Variants in IL3RA observed in about 807,000 individuals in gnomAD.
IL3RA encodes interleukin-3 receptor subunit alpha.
IL3RA carries 73 observed loss-of-function variants against 52.3 expected under a neutral mutation model. The ratio of observed to expected loss-of-function variants is 1.40; its 90% CI spans 1.16 to 1.70. The LOEUF is 1.70. Among genes scored for constraint, IL3RA ranks in the 40% most tolerant of loss-of-function variants. The probability of loss-of-function intolerance (pLI) is 0.00; values close to 1 mark genes in which losing one functional copy is unlikely to be tolerated. For synonymous variants in IL3RA, 260 were observed against 194.0 expected, an observed-to-expected ratio of 1.34 and a Z score of -2.83; for missense variants, 664 against 504.4, an observed-to-expected ratio of 1.32 and a Z score of -3.03.
chrX:1,379,368 C>T (rs1185468705), intron 10 of IL3RA, among the ~76,000 whole-genome samples: 16 of 152,244 alleles, frequency 1.1e-4, no homozygotes, highest in African/African-American at 3.6e-4. Context: ...GTTGGCCACA[C>T]TGGTGTTGAA....
intron 6 of IL3RA, among the ~76,000 whole-genome samples, chrX:1,355,397 G>C (rs1359617741): frequency 1.1e-4 from 14 of 124,408 alleles, no homozygotes; most frequent in Non-Finnish European, 5.0e-5. Context: ...AGGAGAGAGA[G>C]GAAGAGTAGG....
chrX:1,344,995 T>A (rs1301421055), intron 2 of IL3RA, among the ~76,000 whole-genome samples: 2 of 99,126 alleles, frequency 2.0e-5, no homozygotes, highest in Admixed American at 1.2e-4. Context: ...ACGCCATCTC[T>A]ACTAAAAATA....
At chrX:1,337,857 G>A (rs1277450718) in intron 1 of IL3RA, among the ~76,000 whole-genome samples, 1 of 151,440 alleles carries the variant, frequency 6.6e-6, no homozygotes, top group African/African-American at 2.4e-5. Flanking sequence ...TAGCCAAGAG[G>A]TGGAGACAGC....
intron 3 of IL3RA, among the ~76,000 whole-genome samples, chrX:1,345,944 C>T (rs1437305048): frequency 1.3e-5 from 2 of 152,012 alleles, no homozygotes; most frequent in African/African-American, 2.4e-5. Flanking sequence ...GTTCCCCGTC[C>T]GCGGGACATC....
intron 6 of IL3RA, among the ~76,000 whole-genome samples, chrX:1,355,161 AAAGGAGGGGGAGGAGG>A (rs1233956300): frequency 1.3e-4 from 3 of 23,000 alleles, no homozygotes; most frequent in African/African-American, 6.3e-4. Context: ...AGAGGGAAGA[AAAGGAGGGGGAGGAGG>A]AAGGAGGGGG....
chrX:1,356,308 A>T lies in IL3RA; in HGVS notation c.704A>T (p.Lys235Ile). 1.2e-6 allele frequency: 2 copies of T among 1,613,006 alleles called. No homozygotes were observed. Among genetic ancestry groups the T allele is most frequent in the Non-Finnish European group, 1.7e-6 (2 of 1,179,200 alleles). Residue 235 changes from lysine to isoleucine, a missense_variant, in exon 7 of 12, where the codon AAA (lysine) becomes ATA (isoleucine). Coordinates refer to ENST00000331035, the MANE Select transcript of IL3RA (RefSeq NM_002183.4). ...AAAATGAGAAGTCATTTCAATCGCAAATTTCGCTATGAGCTTCAGATACAA... is the reference window on the plus strand; with the variant it reads ...AAAATGAGAAGTCATTTCAATCGCATATTTCGCTATGAGCTTCAGATACAA... ...HWKMRSHFNR[K>I]FRYELQIQKR...
intron 1 of IL3RA, among the ~76,000 whole-genome samples, 188 bp from the exon 2 acceptor site, chrX:1,341,540 T>A (rs747770509): frequency 3.5e-5 from 1 of 28,842 alleles, no homozygotes; most frequent in African/African-American, 6.1e-5. Context: ...AGAAGCACAC[T>A]CTGATGTGCA....
At chrX:1,338,139 G>T (rs7051790) in intron 1 of IL3RA, among the ~76,000 whole-genome samples, 25,265 of 126,038 alleles carry the variant, frequency 0.2, 2,815 homozygotes, top group Middle Eastern at 0.3. Flanking sequence ...TAGATGAAGG[G>T]AGAAATATAA....
chrX:1,348,375 A>G (rs2085872203), intron 3 of IL3RA, 56 bp from the exon 4 acceptor site: 1 of 1,334,560 alleles, frequency 7.5e-7, no homozygotes, highest in Non-Finnish European at 1.1e-6. Context: ...GAACATCATT[A>G]GCGTCAAATT....
intron 2 of IL3RA, 104 bp from the exon 3 acceptor site, chrX:1,345,212 G>C: frequency 1.5e-6 from 1 of 657,838 alleles, no homozygotes; most frequent in Admixed American, 2.6e-5. Context: ...ACCTCCCAAA[G>C]GTATTGGCTA....
At chrX:1,360,584 T>C (rs1311268645) in intron 8 of IL3RA, among the ~76,000 whole-genome samples, 1 of 152,072 alleles carries the variant, frequency 6.6e-6, no homozygotes, top group African/African-American at 2.4e-5. Flanking sequence ...GATGGCACGA[T>C]CTCGGCTCAC....
chrX:1,347,216 C>T (rs867087509), intron 3 of IL3RA, among the ~76,000 whole-genome samples: 11 of 149,668 alleles, frequency 7.3e-5, no homozygotes, highest in South Asian at 4.2e-4. Context: ...GAGGCCGAGG[C>T]GGGTGGATCA....
At chrX:1,338,967 TTTTTGTATGTTTAGTAGAGA>T (rs1302676213) in intron 1 of IL3RA, among the ~76,000 whole-genome samples, 7 of 152,046 alleles carry the variant, frequency 4.6e-5, no homozygotes, top group Admixed American at 4.6e-4. Flanking sequence ...GCCTGGCTAA[TTTTTGTATGTTTAGTAGAGA>T]CTTTGTATGT....
chrX:1,380,913 CT>C, intron 10 of IL3RA, 109 bp from the exon 11 acceptor site: 3 of 904,022 alleles, frequency 3.3e-6, no homozygotes, highest in African/African-American at 3.3e-5. Context: ...GAGTAGATGA[CT>C]TGAGTCTTTT....
intron 9 of IL3RA, among the ~76,000 whole-genome samples, chrX:1,367,971 G>A (rs1336496093): frequency 6.6e-6 from 1 of 152,068 alleles, no homozygotes; most frequent in Non-Finnish European, 1.5e-5. Context: ...GAGACGTGGA[G>A]GGGAAACAAG....
At chrX:1,353,970 A>C (rs866027429) in intron 6 of IL3RA, among the ~76,000 whole-genome samples, 17 of 37,642 alleles carry the variant, frequency 4.5e-4, no homozygotes, top group South Asian at 8.1e-4. Context: ...GGGTCGTGGG[A>C]CCCCCACCCC....
chrX:1,356,767 G>A (rs35759457), intron 7 of IL3RA, among the ~76,000 whole-genome samples: 4,062 of 147,516 alleles, frequency 0.028, 177 homozygotes, highest in African/African-American at 0.097. Flanking sequence ...GCGAGACTCC[G>A]TCTCAAAAAA....
Position 1,348,634 on chromosome X carries a change from TTTTC to T in IL3RA, c.298+93_298+96del, listed in dbSNP as rs1395065296. On this transcript the variant is annotated intron_variant, in intron 4 of 11. Transcript: ENST00000331035. ...TCTCGCCTTCGCTGTGTCTTTTTTC[TTTTC>T]TTTTTCTCTTTCTTTCTTTCTTTCT... The T allele has an allele frequency of 1.1e-4, 81 of 757,746 alleles. 1 individual carries two copies. The highest frequency in any genetic ancestry group is 1.0e-3 in the East Asian group (39 of 37,692). 46.9% of individuals were successfully genotyped at this position (757,746 alleles called of 1,614,324 possible). A position where few individuals can be genotyped will look rare whatever the true frequency, so the allele number is the denominator to read the frequency against.
At position 1,352,404 on chromosome X, in the gene IL3RA, C is replaced by T. The variant is rs1407012338; in HGVS notation, c.514C>T (p.Arg172Ter). Residue 172 changes from arginine to a stop codon, truncating the protein, a stop_gained, in exon 6 of 12, where the codon CGA becomes TGA. Transcript: ENST00000331035. LOFTEE classifies it high-confidence loss of function. ...CGGGTGTCGTTTCGATGACATCTCT[C>T]GACTCTCCAGCGGTTCTCAAAGTTC... ...RIGCRFDDIS[R>*]LSSGSQSSHI... 3.7e-6 allele frequency: 6 copies of T among 1,613,732 alleles called. No individual in the cohort carries two copies. Among genetic ancestry groups the T allele is most frequent in the Admixed American group, 3.3e-5 (2 of 59,980 alleles).
Sources: allele counts gnomAD v4.1 joint callset (sites outside exome capture counted in the v4.1 genomes callset), GRCh38; gene constraint gnomAD v4.1.1; transcripts MANE v1.5; gene names NCBI Gene and HGNC (gene_info 2026-07-23, HGNC 2026-07-21).